RRAGD: variants seen among roughly 807,000 people sequenced by gnomAD.
The protein encoded by RRAGD is ras-related GTP-binding protein D.
A neutral mutation model predicts 35.5 loss-of-function variants in RRAGD; 12 were observed. The observed-to-expected ratio is 0.34, with a 90% CI of 0.22 to 0.55. The LOEUF (loss-of-function observed/expected upper bound fraction) is 0.55. Ranked by LOEUF, RRAGD falls within the 20% of genes least tolerant of loss-of-function variation. RRAGD has a pLI of 0.91. For synonymous variants in RRAGD, 155 were observed against 178.9 expected (o/e 0.87, Z 1.07); for missense variants, 324 against 490.1 (o/e 0.66, Z 3.20).
At chr6:89,379,017 AC>A (rs1435793738) in intron 4 of RRAGD, among the ~76,000 whole-genome samples, 2 of 152,186 alleles carry the variant, frequency 1.3e-5, no homozygotes, top group Admixed American at 1.3e-4. Flanking sequence ...TAACGCCTCA[AC>A]CTCCCAAAGT....
At chr6:89,384,421 G>A (rs1769103232) in intron 2 of RRAGD, among the ~76,000 whole-genome samples, 1 of 152,156 alleles carries the variant, frequency 6.6e-6, no homozygotes, top group Non-Finnish European at 1.5e-5. Flanking sequence ...ATAGCTTACT[G>A]CAGCCTCAAA....
Position 89,411,870 on chromosome 6 carries a change from G to C in RRAGD, c.124C>G (p.Pro42Ala), listed in dbSNP as rs1444291727. ...CCTCCCTCCTCTGTGCCGCTGTCCG[G>C]ATCGGCGTCGGAGGAGTCGGGCCCG... is the stretch of plus-strand genomic sequence containing the variant. The part of the protein sequence containing the change: ...GDGPDSSDAD[P>A]DSGTEEGVLD... The change falls in exon 1 of 7, where the codon CCG becomes GCG. Residue 42 changes from proline (P) to alanine (A), a missense_variant. Coordinates refer to ENST00000369415, the MANE Select transcript of RRAGD (RefSeq NM_021244.5). The surrounding 1 kb of genome is among the most constrained non-coding windows in gnomAD (Gnocchi z 5.6). 1 of 1,549,754 alleles carries C rather than the reference G, an allele frequency of 6.5e-7. No homozygotes were observed. Among genetic ancestry groups the C allele is most frequent in the Non-Finnish European group, 8.7e-7 (1 of 1,150,064 alleles).
At chr6:89,408,887 C>G (rs1361722577) in intron 1 of RRAGD, among the ~76,000 whole-genome samples, 1 of 152,088 alleles carries the variant, frequency 6.6e-6, no homozygotes, top group Non-Finnish European at 1.5e-5. Flanking sequence ...TTTTTAACGG[C>G]CTAACCATTC....
rs529247473 is a variant in RRAGD at position 89,399,833 on chromosome 6, C to A, written c.148+12013G>T. On this transcript the variant is annotated intron_variant, in intron 1 of 6. Transcript: ENST00000369415. ...TGCCCAGGCTGGTCTGAAACTCCTA[C>A]GCTCAAGTGATCCTCCCACTTCAGC... Among the ~76,000 whole-genome samples, 4 of 148,194 alleles carry A rather than the reference C, an allele frequency of 2.7e-5. No individual in the cohort carries two copies. The East Asian group carries it at 5.9e-4, about 22-fold the overall frequency.
At chr6:89,388,297 A>C (rs935824925) in intron 1 of RRAGD, among the ~76,000 whole-genome samples, 1 of 152,226 alleles carries the variant, frequency 6.6e-6, no homozygotes, top group African/African-American at 2.4e-5. Flanking sequence ...TAGAGAAGCC[A>C]AATTCATAGA....
Position 89,364,785 on chromosome 6 carries a change from C to T in RRAGD, c.*3271G>A, listed in dbSNP as rs1263453670. On this transcript the variant is annotated 3_prime_UTR_variant, in exon 7 of 7. Transcript: ENST00000369415. ...AACCTCAGAAACAGGAAAGGCTGTACTTCCTTTTCACCAAAGAGACAATTC... is the reference window on the plus strand; with the variant it reads ...AACCTCAGAAACAGGAAAGGCTGTATTTCCTTTTCACCAAAGAGACAATTC... The T allele has an allele frequency of 6.6e-6, 1 of 152,192 alleles. No homozygotes were observed. Among genetic ancestry groups the T allele is most frequent in the African/African-American group, 2.4e-5 (1 of 41,446 alleles). 9.4% of individuals were successfully genotyped at this position (152,192 alleles called of 1,614,324 possible). A position where few individuals can be genotyped will look rare whatever the true frequency, so the allele number is the denominator to read the frequency against.
At position 89,400,315 on chromosome 6, in the gene RRAGD, C is replaced by T. The variant is rs960267436; in HGVS notation, c.148+11531G>A. 2.0e-4 allele frequency among the ~76,000 whole-genome samples: 30 copies of T among 152,038 alleles called. 1 individual carries two copies. Among genetic ancestry groups the T allele is most frequent in the African/African-American group, 7.0e-4 (29 of 41,378 alleles). On this transcript the variant is annotated intron_variant, in intron 1 of 6. Coordinates refer to ENST00000369415, the MANE Select transcript of RRAGD (RefSeq NM_021244.5). ...ATGGTACAGCACAAGAGTAAAATTACGGCTTGGTGAAATTTCCCTGGGTTT... is the reference window on the plus strand; with the variant it reads ...ATGGTACAGCACAAGAGTAAAATTATGGCTTGGTGAAATTTCCCTGGGTTT...
chr6:89,392,782 T>C (rs187886227), intron 1 of RRAGD, among the ~76,000 whole-genome samples: 28 of 152,316 alleles, frequency 1.8e-4, no homozygotes, highest in Admixed American at 1.6e-3. Context: ...ATATTTCAGA[T>C]AAGACAATGA....
At chr6:89,381,275 A>C (rs1769037412) in intron 2 of RRAGD, among the ~76,000 whole-genome samples, 1 of 152,246 alleles carries the variant, frequency 6.6e-6, no homozygotes, top group Non-Finnish European at 1.5e-5. Flanking sequence ...CCTCAGAGAC[A>C]GTACAGTCTA....
At chr6:89,391,236 T>C (rs1314955339) in intron 1 of RRAGD, among the ~76,000 whole-genome samples, 1 of 150,452 alleles carries the variant, frequency 6.6e-6, no homozygotes. Context: ...ACTTTAAAAA[T>C]TAGCTGAGTA....
In RRAGD at chr6:89,411,893, C is replaced by A. The variant is rs112998985; in HGVS notation, c.101G>T (p.Gly34Val). The A allele has an allele frequency of 8.3e-4, 1,286 of 1,546,744 alleles. 2 individuals are homozygous for A. Among genetic ancestry groups the A allele is most frequent in the Non-Finnish European group, 9.7e-4 (1,119 of 1,148,444 alleles). The stretch of plus-strand genomic sequence containing the variant: ...CGGATCGGCGTCGGAGGAGTCGGGC[C>A]CGTCTCCGTAGTCCGCTAGCCCCAC... Reference protein sequence around the residue: ...ELVGLADYGDGPDSSDADPDS... With the variant: ...ELVGLADYGDVPDSSDADPDS... The change falls in exon 1 of 7, where the codon GGG becomes GTG. Residue 34 changes from glycine (G) to valine (V), a missense_variant. Transcript: ENST00000369415. The surrounding 1 kb of genome is among the most constrained non-coding windows in gnomAD (Gnocchi z 5.6).
rs759641053 is a variant in RRAGD, at chr6:89,411,865, G to A, written c.129C>T (p.Asp43=). 1 of 1,550,658 alleles carries A rather than the reference G, an allele frequency of 6.4e-7. No homozygotes were observed. Among genetic ancestry groups the A allele is most frequent in the Admixed American group, 1.9e-5 (1 of 52,388 alleles). Residue 43 remains aspartate (D), a synonymous_variant, in exon 1 of 7, where the codon GAC becomes GAT. Transcript: ENST00000369415. The surrounding 1 kb of genome is among the most constrained non-coding windows in gnomAD (Gnocchi z 5.6). The stretch of plus-strand genomic sequence containing the variant: ...GCTCACCTCCCTCCTCTGTGCCGCT[G>A]TCCGGATCGGCGTCGGAGGAGTCGG... ...DGPDSSDADP[D]SGTEEGVLDF... is the part of the protein sequence containing the mutation.
intron 1 of RRAGD, among the ~76,000 whole-genome samples, chr6:89,401,840 T>C (rs1769471433): frequency 6.6e-6 from 1 of 152,204 alleles, no homozygotes; most frequent in Non-Finnish European, 1.5e-5. Flanking sequence ...ATCTTTAGTA[T>C]GTCTGTCTTC....
In RRAGD at chr6:89,411,861, C is replaced by T. The variant is rs1007684265; in HGVS notation, c.133G>A (p.Gly45Ser). The T allele has an allele frequency of 6.4e-7, 1 of 1,552,098 alleles. No homozygotes were observed. The highest frequency in any genetic ancestry group is 8.7e-7 in the Non-Finnish European group (1 of 1,151,340). ...PDSSDADPDS[G>S]TEEGVLDFSD... ...GGGCGCTCACCTCCCTCCTCTGTGCCGCTGTCCGGATCGGCGTCGGAGGAG... is the reference window on the plus strand; with the variant it reads ...GGGCGCTCACCTCCCTCCTCTGTGCTGCTGTCCGGATCGGCGTCGGAGGAG... The change falls in exon 1 of 7, where the codon GGC becomes AGC. Residue 45 changes from glycine (G) to serine (S), a missense_variant. This residue lies in a region of RRAGD where 96 missense variants were observed against 78.7 expected (regional missense o/e 1.22). Transcript: ENST00000369415. The surrounding 1 kb of genome is among the most constrained non-coding windows in gnomAD (Gnocchi z 5.6).
intron 1 of RRAGD, among the ~76,000 whole-genome samples, chr6:89,404,098 G>A (rs1252299330): frequency 2.0e-5 from 3 of 152,208 alleles, no homozygotes; most frequent in Non-Finnish European, 1.5e-5. Context: ...GTATTGGTAA[G>A]CAACTTCTGC....
chr6:89,407,001 G>A (rs1372696145), intron 1 of RRAGD, among the ~76,000 whole-genome samples: 2 of 152,202 alleles, frequency 1.3e-5, no homozygotes, highest in Non-Finnish European at 2.9e-5. Flanking sequence ...TGGTAAAAAT[G>A]TTCTGATTTA....
At chr6:89,382,914 A>C (rs1467683170) in intron 2 of RRAGD, among the ~76,000 whole-genome samples, 2 of 152,160 alleles carry the variant, frequency 1.3e-5, no homozygotes, top group African/African-American at 4.8e-5. Context: ...AATGAAAGGC[A>C]AATGTCGGAT....
At chr6:89,373,038 GAT>G (rs1258893815) in intron 5 of RRAGD, among the ~76,000 whole-genome samples, 1 of 152,210 alleles carries the variant, frequency 6.6e-6, no homozygotes, top group Non-Finnish European at 1.5e-5. Context: ...TGCTATAAAA[GAT>G]AGAATTGGGA....
At chr6:89,389,305 C>A (rs1769190317) in intron 1 of RRAGD, among the ~76,000 whole-genome samples, 1 of 152,106 alleles carries the variant, frequency 6.6e-6, no homozygotes, top group South Asian at 2.1e-4. Flanking sequence ...CCTGTAATCC[C>A]AGCACTTTGG....
Sources: allele counts gnomAD v4.1 joint callset (sites outside exome capture counted in the v4.1 genomes callset), GRCh38; gene constraint gnomAD v4.1.1; regional missense constraint gnomAD v4.1.1; non-coding constraint Gnocchi (gnomAD v3.1); transcripts MANE v1.5; gene names NCBI Gene and HGNC (gene_info 2026-07-23, HGNC 2026-07-21).